SNTB2: variants seen among roughly 807,000 people sequenced by gnomAD.
SNTB2 encodes beta-2-syntrophin.
SNTB2 carries 34 observed loss-of-function variants against 46.2 expected under a neutral mutation model. That is an observed-to-expected ratio of 0.74 (90% CI 0.56 to 0.98). The LOEUF (loss-of-function observed/expected upper bound fraction) is 0.98, where lower values mean the gene tolerates loss of function less well. Among genes scored for constraint, SNTB2 ranks in the 50% least tolerant of loss-of-function variants. SNTB2 has a pLI of 0.00. For synonymous variants in SNTB2, 290 were observed against 312.6 expected (o/e 0.93, Z 0.76); for missense variants, 603 against 731.4 (o/e 0.82, Z 2.02).
chr16:69,285,267 A>G (rs988937194), intron 5 of SNTB2, among the ~76,000 whole-genome samples: 1 of 152,064 alleles, frequency 6.6e-6, no homozygotes, highest in Non-Finnish European at 1.5e-5. Flanking sequence ...TCTCTAGTTT[A>G]CTAGCAAAGT....
intron 1 of SNTB2, among the ~76,000 whole-genome samples, chr16:69,232,502 C>CTTTTTTTTT (rs1032986410): frequency 3.1e-5 from 2 of 63,860 alleles, no homozygotes; most frequent in Non-Finnish European, 6.0e-5. Flanking sequence ...ACGGTGCGGC[C>CTTTTTTTTT]TTTTTTTTTT....
At chr16:69,292,352 TTTTATATATATATATA>T (rs1965167389) in intron 5 of SNTB2, among the ~76,000 whole-genome samples, 1 of 58,702 alleles carries the variant, frequency 1.7e-5, no homozygotes, top group African/African-American at 8.2e-5. Flanking sequence ...TCACCTTATT[TTTTATATATATATATA>T]TATATATATA....
rs1041353960 is a variant in SNTB2 at position 69,251,738 on chromosome 16, A to G, written c.794+5923A>G. Among the ~76,000 whole-genome samples, 26 of 152,124 alleles carry G rather than the reference A, an allele frequency of 1.7e-4. 1 individual carries two copies. The highest frequency in any genetic ancestry group is 4.6e-4 in the African/African-American group (19 of 41,404). On this transcript the variant is annotated intron_variant, in intron 2 of 6. Transcript: ENST00000336278. ...GGTTGTGGTGAGCTGAGATCGTACCATTACTTACACTCCAGCCTGGGCAAC... is the reference window on the plus strand; with the variant it reads ...GGTTGTGGTGAGCTGAGATCGTACCGTTACTTACACTCCAGCCTGGGCAAC...
chr16:69,190,603 A>C (rs1274639859), intron 1 of SNTB2, among the ~76,000 whole-genome samples: 1 of 152,170 alleles, frequency 6.6e-6, no homozygotes, highest in Non-Finnish European at 1.5e-5. Context: ...TAGGTCCATC[A>C]TGGGAATCAG....
intron 3 of SNTB2, among the ~76,000 whole-genome samples, chr16:69,266,192 C>A (rs1213723687): frequency 6.6e-6 from 1 of 152,052 alleles, no homozygotes. Context: ...TGGCTAAACC[C>A]CATCTCTACT....
chr16:69,210,851 G>A (rs948165732), intron 1 of SNTB2, among the ~76,000 whole-genome samples: 1 of 152,072 alleles, frequency 6.6e-6, no homozygotes, highest in Non-Finnish European at 1.5e-5. Flanking sequence ...AAATTAGTCA[G>A]GCGTGGTGGC....
At chr16:69,292,087 C>T (rs1286736829) in intron 5 of SNTB2, among the ~76,000 whole-genome samples, 1 of 150,406 alleles carries the variant, frequency 6.6e-6, no homozygotes, top group Non-Finnish European at 1.5e-5. Flanking sequence ...GGTGTGGTGG[C>T]AGGTGCCTGT....
chr16:69,207,241 C>T (rs1964232330), intron 1 of SNTB2, among the ~76,000 whole-genome samples: 1 of 150,092 alleles, frequency 6.7e-6, no homozygotes, highest in African/African-American at 2.5e-5. Context: ...TGCAACTCCA[C>T]CTCACTGGTT....
Position 69,245,801 on chromosome 16 carries a change from G to T in SNTB2, c.780G>T (p.Pro260=), listed in dbSNP as rs780157197. The change falls in exon 2 of 7, where the codon CCG becomes CCT. Residue 260 remains proline (P), a synonymous_variant. Coordinates refer to ENST00000336278, the MANE Select transcript of SNTB2 (RefSeq NM_006750.4). ...TTGCTGCTAGAAACCTAAGCATGCCGGATCTGGAAAACAGGTGAGGTGTAC... is the reference window on the plus strand; with the variant it reads ...TTGCTGCTAGAAACCTAAGCATGCCTGATCTGGAAAACAGGTGAGGTGTAC... The part of the protein sequence containing the change: ...MCFAARNLSM[P]DLENRLIELH... 6.2e-7 allele frequency: 1 copy of T among 1,613,898 alleles called. No individual in the cohort carries two copies. The highest frequency in any genetic ancestry group is 8.5e-7 in the Non-Finnish European group (1 of 1,179,914).
At chr16:69,254,829 A>C (rs1964758049) in intron 2 of SNTB2, among the ~76,000 whole-genome samples, 1 of 151,914 alleles carries the variant, frequency 6.6e-6, no homozygotes, top group Non-Finnish European at 1.5e-5. Context: ...ATTTTTTTTT[A>C]AAGTAGTTGG....
chr16:69,294,612 A>C (rs1316132097), intron 5 of SNTB2, among the ~76,000 whole-genome samples: 1 of 151,726 alleles, frequency 6.6e-6, no homozygotes, highest in Non-Finnish European at 1.5e-5. Flanking sequence ...GCGCCCCTGT[A>C]GTCCCAGCTA....
rs1019040572 is a variant in SNTB2 at position 69,294,360 on chromosome 16, G to GA, written c.1346-5220dup. ...AGTTACATCATGCTTGTATCATCAG[G>GA]AAAAAAAAAATTGTTTTTTGACTAA... On this transcript the variant is annotated intron_variant, in intron 5 of 6. Coordinates refer to ENST00000336278, the MANE Select transcript of SNTB2 (RefSeq NM_006750.4). Among the ~76,000 whole-genome samples the GA allele has an allele frequency of 5.2e-4, 78 of 149,100 alleles. 1 individual carries two copies. Among genetic ancestry groups the GA allele is most frequent in the Admixed American group, 8.7e-4 (13 of 14,954 alleles).
intron 2 of SNTB2, among the ~76,000 whole-genome samples, chr16:69,253,884 C>T (rs963856787): frequency 2.0e-5 from 3 of 151,956 alleles, no homozygotes; most frequent in African/African-American, 7.3e-5. Context: ...AGAGATTGTC[C>T]TAGGAATTGT....
At chr16:69,279,247 T>C (rs753201860) in intron 4 of SNTB2, among the ~76,000 whole-genome samples, 1 of 152,216 alleles carries the variant, frequency 6.6e-6, no homozygotes, top group Non-Finnish European at 1.5e-5. Flanking sequence ...GGATACCTCA[T>C]GTAAGTAGGC....
intron 1 of SNTB2, among the ~76,000 whole-genome samples, chr16:69,244,861 C>T (rs1352125041): frequency 1.3e-5 from 2 of 152,200 alleles, no homozygotes; most frequent in East Asian, 1.9e-4. Flanking sequence ...ATCCATGGCT[C>T]ATTTGCCCTT....
chr16:69,205,701 A>G (rs1964209711), intron 1 of SNTB2, among the ~76,000 whole-genome samples: 3 of 151,964 alleles, frequency 2.0e-5, no homozygotes, highest in Non-Finnish European at 4.4e-5. Context: ...GGCATTTCCA[A>G]CCTGCTTCTT....
Position 69,284,253 on chromosome 16 carries a change from G to T in SNTB2, c.1345+9G>T. On this transcript the variant is annotated intron_variant, in intron 5 of 6. Transcript: ENST00000336278. ...CAAGGAAGTCTCTCTAGGTAGAGAT[G>T]CTGACTTTTTATTTCTAGTAGTAAT... 6.3e-7 allele frequency: 1 copy of T among 1,587,054 alleles called. No homozygotes were observed. The highest frequency in any genetic ancestry group is 8.6e-7 in the Non-Finnish European group (1 of 1,165,802).
intron 1 of SNTB2, among the ~76,000 whole-genome samples, chr16:69,221,134 TA>T (rs1045768685): frequency 6.6e-6 from 1 of 151,986 alleles, no homozygotes; most frequent in African/African-American, 2.4e-5. Flanking sequence ...TTTCATGTTT[TA>T]AAAAAAATGA....
intron 1 of SNTB2, among the ~76,000 whole-genome samples, chr16:69,200,461 T>A (rs1964150732): frequency 6.6e-6 from 1 of 152,192 alleles, no homozygotes; most frequent in Non-Finnish European, 1.5e-5. Context: ...ATATGCTTTA[T>A]TTTTCAGGCC....
Sources: gnomAD v4.1 joint callset for allele counts (sites outside exome capture counted in the v4.1 genomes callset) on GRCh38, gnomAD v4.1.1 for gene constraint, MANE v1.5 for transcripts, NCBI Gene and HGNC (gene_info 2026-07-23, HGNC 2026-07-21) for gene names.